Variants in AGAP1 observed in about 807,000 individuals in gnomAD.
AGAP1 encodes arf-GAP with GTPase, ANK repeat and PH domain-containing protein 1.
AGAP1 carries 29 observed loss-of-function variants against 105.3 expected under a neutral mutation model. The ratio of observed to expected loss-of-function variants is 0.28; its 90% CI spans 0.21 to 0.38. AGAP1 has a LOEUF of 0.38. Among genes scored for constraint, AGAP1 ranks in the 10% least tolerant of loss-of-function variants. The pLI is 1.00. For missense variants in AGAP1, 998 were observed against 1,165.1 expected (o/e 0.86, Z 2.09); for synonymous variants, 509 against 485.9 (o/e 1.05, Z -0.63).
intron 1 of AGAP1, among the ~76,000 whole-genome samples, chr2:235,602,585 T>G (rs1945765979): frequency 6.6e-6 from 1 of 152,234 alleles, no homozygotes; most frequent in Admixed American, 6.5e-5. Context: ...TGCCCTTCCT[T>G]CAAGCCTTTG....
At chr2:235,858,087 T>G (rs2048762721) in intron 9 of AGAP1, among the ~76,000 whole-genome samples, 1 of 152,228 alleles carries the variant, frequency 6.6e-6, no homozygotes, top group Non-Finnish European at 1.5e-5. Context: ...TCTCTAACTT[T>G]GTATAAATTC....
intron 1 of AGAP1, among the ~76,000 whole-genome samples, chr2:235,580,607 AT>A (rs1416866365): frequency 6.6e-6 from 1 of 152,156 alleles, no homozygotes; most frequent in Non-Finnish European, 1.5e-5. Flanking sequence ...GACTATGGGC[AT>A]TTTCATGTAC....
In AGAP1 at chr2:235,961,358, G is replaced by T. The variant is rs1438077571; in HGVS notation, c.1484-7104G>T. 6.6e-6 allele frequency among the ~76,000 whole-genome samples: 1 copy of T among 152,220 alleles called. No homozygotes were observed. The highest frequency in any genetic ancestry group is 2.4e-5 in the African/African-American group (1 of 41,452). On this transcript the variant is annotated intron_variant, in intron 12 of 17. Coordinates refer to ENST00000304032, the MANE Select transcript of AGAP1 (RefSeq NM_001037131.3). The surrounding 1 kb of genome is among the most constrained non-coding windows in gnomAD (Gnocchi z 5.9). The stretch of plus-strand genomic sequence containing the variant: ...TCCACACGGCTCCCCGTCTAAGGCG[G>T]CAGGGATGAGCTGTGTGGATGCTGC...
chr2:236,042,830 A>G lies in AGAP1; in HGVS notation c.1891+1989A>G, dbSNP rs183477459. Among the ~76,000 whole-genome samples, 18 of 152,328 alleles carry G rather than the reference A, an allele frequency of 1.2e-4. No individual in the cohort carries two copies. The highest frequency in any genetic ancestry group is 3.4e-3 in the Middle Eastern group (1 of 294). ...GGCAGAGTTTGACAATTCAGGAGAA[A>G]GAGGCGATACCAAGCACGCATTTGC... On this transcript the variant is annotated intron_variant, in intron 15 of 17. Coordinates refer to ENST00000304032, the MANE Select transcript of AGAP1 (RefSeq NM_001037131.3). The surrounding 1 kb of genome is among the most constrained non-coding windows in gnomAD (Gnocchi z 5.6).
chr2:235,862,341 A>T (rs2048960692), intron 9 of AGAP1, among the ~76,000 whole-genome samples: 1 of 152,244 alleles, frequency 6.6e-6, no homozygotes, highest in Admixed American at 6.5e-5. Context: ...GGTCCTTGTC[A>T]TCGTCATCAA....
At position 235,553,889 on chromosome 2, in the gene AGAP1, C is replaced by T. The variant is rs1268730637; in HGVS notation, c.163+59040C>T. On this transcript the variant is annotated intron_variant, in intron 1 of 17. Transcript: ENST00000304032. The surrounding 1 kb of genome is among the most constrained non-coding windows in gnomAD (Gnocchi z 4.5). ...ACTTCCACGTAAGGATCCCGAAGCA[C>T]GGTTGCCTCCGCCTCCCACCCCACC... Among the ~76,000 whole-genome samples the T allele has an allele frequency of 1.3e-5, 2 of 152,220 alleles. No individual in the cohort carries two copies. The highest frequency in any genetic ancestry group is 1.9e-4 in the East Asian group (1 of 5,200).
chr2:235,698,092 T>A (rs1380295399), intron 1 of AGAP1, among the ~76,000 whole-genome samples: 2 of 152,108 alleles, frequency 1.3e-5, no homozygotes, highest in African/African-American at 4.8e-5. Flanking sequence ...CTGTTCCAGC[T>A]CAGATCATCA....
chr2:235,676,275 T>C (rs567363787), intron 1 of AGAP1, among the ~76,000 whole-genome samples: 1 of 152,318 alleles, frequency 6.6e-6, no homozygotes, highest in African/African-American at 2.4e-5. Context: ...AACAATAACC[T>C]TGCATACATG....
intron 9 of AGAP1, among the ~76,000 whole-genome samples, chr2:235,859,726 C>T (rs552131137): frequency 8.5e-5 from 13 of 152,260 alleles, no homozygotes; most frequent in South Asian, 8.3e-4. Context: ...AGGAAAAAAT[C>T]GAGCTTTGCT....
At chr2:235,886,425 TAGGAGGCCTAA>T (rs2050279468) in intron 10 of AGAP1, among the ~76,000 whole-genome samples, 1 of 152,348 alleles carries the variant, frequency 6.6e-6, no homozygotes, top group East Asian at 1.9e-4. Context: ...AAGATTCCCT[TAGGAGGCCTAA>T]AGCCTGTTTG....
chr2:235,851,535 A>G lies in AGAP1; in HGVS notation c.1051-31810A>G, dbSNP rs547785007. Among the ~76,000 whole-genome samples, 6 of 152,246 alleles carry G rather than the reference A, an allele frequency of 3.9e-5. No individual in the cohort carries two copies. The East Asian group carries it at 1.2e-3, about 29-fold the overall frequency. ...AGCAAAGTGTATTGTGTGTTCTTGC[A>G]GTTACTTGCTACCAATGTCCCTTGG... On this transcript the variant is annotated intron_variant, in intron 9 of 17. Coordinates refer to ENST00000304032, the MANE Select transcript of AGAP1 (RefSeq NM_001037131.3).
chr2:235,825,560 C>CT (rs1312683990), intron 9 of AGAP1, among the ~76,000 whole-genome samples: 1 of 152,022 alleles, frequency 6.6e-6, no homozygotes. Flanking sequence ...TCAGTGTCTG[C>CT]TTTTAAAAGT....
rs1943817141 is a variant in AGAP1 at position 235,551,760 on chromosome 2, C to G, written c.163+56911C>G. 6.6e-6 allele frequency among the ~76,000 whole-genome samples: 1 copy of G among 152,188 alleles called. No individual in the cohort carries two copies. The highest frequency in any genetic ancestry group is 2.1e-4 in the South Asian group (1 of 4,824). On this transcript the variant is annotated intron_variant, in intron 1 of 17. Transcript: ENST00000304032. This position sits in a 1 kb window ranked among gnomAD's most constrained non-coding sequence, Gnocchi z 4.8. ...AGCAGGACAAACCCTAAAAGACTTT[C>G]TCTGAATGTTACCTTTGCTCTTCAC...
Position 235,976,518 on chromosome 2 carries a change from G to A in AGAP1, c.1645+7895G>A, listed in dbSNP as rs1344440519. Among the ~76,000 whole-genome samples, 1 of 152,232 alleles carries A rather than the reference G, an allele frequency of 6.6e-6. No homozygotes were observed. Among genetic ancestry groups the A allele is most frequent in the Admixed American group, 6.5e-5 (1 of 15,282 alleles). On this transcript the variant is annotated intron_variant, in intron 13 of 17. Coordinates refer to ENST00000304032, the MANE Select transcript of AGAP1 (RefSeq NM_001037131.3). This position sits in a 1 kb window ranked among gnomAD's most constrained non-coding sequence, Gnocchi z 4.5. ...TGAACCGACGCACAGAAGGATGTTT[G>A]TAGTGTGGTTTTTGTTTGTTTGTTT... is the stretch of plus-strand genomic sequence containing the variant.
rs186638191 is a variant in AGAP1 at position 236,055,300 on chromosome 2, A to G, written c.2114+6019A>G. Among the ~76,000 whole-genome samples, 4 of 152,242 alleles carry G rather than the reference A, an allele frequency of 2.6e-5. No individual in the cohort carries two copies. The East Asian group carries it at 5.8e-4, about 22-fold the overall frequency. ...TTCTTCGCCGTGCAGACCCCCCTACATGTACACACATGCACACTTTTGTGT... is the reference window on the plus strand; with the variant it reads ...TTCTTCGCCGTGCAGACCCCCCTACGTGTACACACATGCACACTTTTGTGT... On this transcript the variant is annotated intron_variant, in intron 16 of 17. Coordinates refer to ENST00000304032, the MANE Select transcript of AGAP1 (RefSeq NM_001037131.3). This position sits in a 1 kb window ranked among gnomAD's most constrained non-coding sequence, Gnocchi z 6.2.
intron 1 of AGAP1, among the ~76,000 whole-genome samples, chr2:235,598,516 T>A (rs1268423974): frequency 6.6e-6 from 1 of 152,186 alleles, no homozygotes; most frequent in African/African-American, 2.4e-5. Flanking sequence ...TCGTTTAAAG[T>A]TGCTGTTTCC....
chr2:235,958,502 G>A lies in AGAP1; in HGVS notation c.1484-9960G>A, dbSNP rs563806229. ...GAGACTCATCTCTTGAATATCACCCGGGATATCAAAAACCTATCAGCACAC... is the reference window on the plus strand; with the variant it reads ...GAGACTCATCTCTTGAATATCACCCAGGATATCAAAAACCTATCAGCACAC... On this transcript the variant is annotated intron_variant, in intron 12 of 17. Coordinates refer to ENST00000304032, the MANE Select transcript of AGAP1 (RefSeq NM_001037131.3). The surrounding 1 kb of genome is among the most constrained non-coding windows in gnomAD (Gnocchi z 4.1). Among the ~76,000 whole-genome samples the A allele has an allele frequency of 4.6e-5, 7 of 152,176 alleles. No individual in the cohort carries two copies. The East Asian group carries it at 9.7e-4, about 21-fold the overall frequency.
In AGAP1 at chr2:235,728,326, T is replaced by TGTGTGTGTGTGTGTGTGTGTGCGTGC. The variant is rs986896995; in HGVS notation, c.310+10683_310+10684insTGTGTGTGTGTGTGTGTGTGCGTGCG. Among the ~76,000 whole-genome samples, 1 of 151,628 alleles carries TGTGTGTGTGTGTGTGTGTGTGCGTGC rather than the reference T, an allele frequency of 6.6e-6. No homozygotes were observed. Among genetic ancestry groups the TGTGTGTGTGTGTGTGTGTGTGCGTGC allele is most frequent in the African/African-American group, 2.4e-5 (1 of 41,084 alleles). On this transcript the variant is annotated intron_variant, in intron 3 of 17. Transcript: ENST00000304032. The surrounding 1 kb of genome is among the most constrained non-coding windows in gnomAD (Gnocchi z 4.3). ...CTGTGTGTGTGTGTGTGTGTGTGTG[T>TGTGTGTGTGTGTGTGTGTGTGCGTGC]GCGTGCTCTTAAATCAATGTAAATT... is the stretch of plus-strand genomic sequence containing the variant.
In AGAP1 at chr2:235,953,551, T is replaced by TAGA. The variant is rs2053828900; in HGVS notation, c.1484-14911_1484-14910insAGA. 6.6e-6 allele frequency among the ~76,000 whole-genome samples: 1 copy of TAGA among 152,246 alleles called. No homozygotes were observed. Among genetic ancestry groups the TAGA allele is most frequent in the Non-Finnish European group, 1.5e-5 (1 of 68,046 alleles). Reference sequence around the variant, plus strand: ...ACATTACTCAAATTTTGTTTGTTCTTTGTGCTGCAGTGGTCTTACTTGGCA... The same window carrying TAGA: ...ACATTACTCAAATTTTGTTTGTTCTTAGATGTGCTGCAGTGGTCTTACTTGGCA... On this transcript the variant is annotated intron_variant, in intron 12 of 17. Transcript: ENST00000304032. The surrounding 1 kb of genome is among the most constrained non-coding windows in gnomAD (Gnocchi z 5.2).
Sources: allele counts gnomAD v4.1 joint callset (sites outside exome capture counted in the v4.1 genomes callset), GRCh38; gene constraint gnomAD v4.1.1; non-coding constraint Gnocchi (gnomAD v3.1); transcripts MANE v1.5; gene names NCBI Gene and HGNC (gene_info 2026-07-23, HGNC 2026-07-21).